Variants in VPS37A observed in about 807,000 individuals in gnomAD.
The protein encoded by VPS37A is vacuolar protein sorting-associated protein 37A.
VPS37A carries 30 observed loss-of-function variants against 49.8 expected under a neutral mutation model. That is an observed-to-expected ratio of 0.60 (90% CI 0.45 to 0.82). The LOEUF (loss-of-function observed/expected upper bound fraction) is 0.82, where lower values mean the gene tolerates loss of function less well. Among genes scored for constraint, VPS37A ranks in the 40% least tolerant of loss-of-function variants. The probability of loss-of-function intolerance (pLI) is 0.00; values close to 1 mark genes in which losing one functional copy is unlikely to be tolerated. For synonymous variants in VPS37A, 195 were observed against 160.6 expected, an observed-to-expected ratio of 1.21 and a Z score of -1.62; for missense variants, 593 against 464.4, an observed-to-expected ratio of 1.28 and a Z score of -2.55.
intron 2 of VPS37A, among the ~76,000 whole-genome samples, chr8:17,266,662 C>T (rs368876860): frequency 6.6e-6 from 1 of 152,202 alleles, no homozygotes; most frequent in Non-Finnish European, 1.5e-5. Context: ...TTCACCTTCA[C>T]GTTCTCCTTG....
At chr8:17,250,371 C>A (rs1811860043) in intron 1 of VPS37A, among the ~76,000 whole-genome samples, 2 of 151,930 alleles carry the variant, frequency 1.3e-5, no homozygotes, top group South Asian at 4.1e-4. Context: ...TTTGTGCGAA[C>A]AGACAGATTG....
At chr8:17,320,119 AAATT>A in the VPS37A span, among the ~76,000 whole-genome samples, 1 of 151,916 alleles carries the variant, frequency 6.6e-6, no homozygotes, top group Non-Finnish European at 1.5e-5. Flanking sequence ...TACATTATGA[AAATT>A]AATAATATAA....
At chr8:17,299,825 T>G (rs1455722615), downstream of VPS37A, 7 of 1,605,996 alleles carry the variant, frequency 4.4e-6, no homozygotes, top group Non-Finnish European at 5.1e-6. Context: ...GAAGTGTTGC[T>G]TATGTGTCCT....
downstream of VPS37A, chr8:17,304,416 G>A (rs2150467999): frequency 3.1e-6 from 5 of 1,614,028 alleles, no homozygotes; most frequent in Non-Finnish European, 4.2e-6. Context: ...GGGAGATGAA[G>A]GGTTCCCTGA....
chr8:17,280,754 G>A (rs1227138729), intron 9 of VPS37A, among the ~76,000 whole-genome samples: 3 of 151,786 alleles, frequency 2.0e-5, no homozygotes, highest in African/African-American at 4.8e-5. Context: ...AAAAACTTTC[G>A]ACTCACTTGT....
At chr8:17,320,668 C>T in the VPS37A span, among the ~76,000 whole-genome samples, 6 of 152,198 alleles carry the variant, frequency 3.9e-5, no homozygotes, top group Non-Finnish European at 7.3e-5. Context: ...GTGCCAGCCC[C>T]GAGTTAAAAC....
rs979932605 is a variant in VPS37A at position 17,250,333 on chromosome 8, T to C, written c.125+2964T>C. On this transcript the variant is annotated intron_variant, in intron 1 of 11. Transcript: ENST00000324849. The stretch of plus-strand genomic sequence containing the variant: ...CAATATGTTGCCTGATTACCTAAAT[T>C]AGTGGTACGACTTACACTTAAAAGA... 4.6e-5 allele frequency among the ~76,000 whole-genome samples: 7 copies of C among 152,318 alleles called. No homozygotes were observed. The South Asian group carries it at 6.2e-4, about 14-fold the overall frequency.
the VPS37A span, among the ~76,000 whole-genome samples, chr8:17,328,313 T>G: frequency 6.6e-6 from 1 of 152,126 alleles, no homozygotes; most frequent in Admixed American, 6.6e-5. Flanking sequence ...TCTTCACCAC[T>G]TCCTCCCCAA....
At chr8:17,259,524 C>G (rs1812784679) in intron 1 of VPS37A, among the ~76,000 whole-genome samples, 1 of 152,056 alleles carries the variant, frequency 6.6e-6, no homozygotes, top group Non-Finnish European at 1.5e-5. Context: ...GTTCCATGTG[C>G]TGATGAAAAG....
intron 1 of VPS37A, 145 bp from the exon 2 acceptor site, chr8:17,265,761 TC>T: frequency 6.5e-7 from 1 of 1,534,170 alleles, no homozygotes; most frequent in East Asian, 2.5e-5. Context: ...TCATTTTCCT[TC>T]CCCTCAAGAT....
the VPS37A span, among the ~76,000 whole-genome samples, chr8:17,329,224 G>C: frequency 1.3e-5 from 2 of 152,176 alleles, no homozygotes; most frequent in East Asian, 3.9e-4. Context: ...AGGAGGAAAA[G>C]CCTTAGAAGG....
intron 1 of VPS37A, among the ~76,000 whole-genome samples, chr8:17,261,432 G>C (rs1377875366): frequency 6.6e-6 from 1 of 152,074 alleles, no homozygotes; most frequent in Non-Finnish European, 1.5e-5. Flanking sequence ...TTCTTGTTCA[G>C]AGAGCTTACA....
chr8:17,284,020 G>C (rs1815351537), intron 9 of VPS37A, among the ~76,000 whole-genome samples: 1 of 152,042 alleles, frequency 6.6e-6, no homozygotes, highest in South Asian at 2.1e-4. Flanking sequence ...ACAGTTTTCT[G>C]TTTATCAGTC....
chr8:17,288,666 T>G (rs1815851037), intron 11 of VPS37A, among the ~76,000 whole-genome samples: 1 of 152,220 alleles, frequency 6.6e-6, no homozygotes, highest in African/African-American at 2.4e-5. Flanking sequence ...TTGTGAATAG[T>G]GCTGCAATAA....
intron 1 of VPS37A, among the ~76,000 whole-genome samples, chr8:17,262,902 A>G (rs922110958): frequency 6.6e-6 from 1 of 152,006 alleles, no homozygotes; most frequent in Non-Finnish European, 1.5e-5. Context: ...CTCTACTAAA[A>G]ATACAAAAAT....
intron 1 of VPS37A, among the ~76,000 whole-genome samples, chr8:17,252,463 C>T (rs1188493842): frequency 6.6e-6 from 1 of 152,206 alleles, no homozygotes; most frequent in Non-Finnish European, 1.5e-5. Flanking sequence ...CAGGCATGAG[C>T]TGCCACACCC....
At position 17,280,247 on chromosome 8, in the gene VPS37A, C is replaced by A. The variant is rs1432535251; in HGVS notation, c.850C>A (p.Leu284Ile). 6 of 1,612,556 alleles carry A rather than the reference C, an allele frequency of 3.7e-6. No homozygotes were observed. The highest frequency in any genetic ancestry group is 2.2e-5 in the South Asian group (2 of 90,740). The change falls in exon 8 of 12, where the codon CTC becomes ATC. Residue 284 changes from leucine to isoleucine, a missense_variant. By Grantham distance (5) the Leu-to-Ile change is conservative (BLOSUM62 2). Transcript: ENST00000324849. The stretch of plus-strand genomic sequence containing the variant: ...AGAGATTTATCTTACAGGAAAAAAT[C>A]TCCTTTTGGAGCCCAGCTTGGAAGC... ...KSIEELARKN[L>I]LLEPSLEAKR...
intron 6 of VPS37A, among the ~76,000 whole-genome samples, chr8:17,277,842 C>G: frequency 6.7e-6 from 1 of 150,056 alleles, no homozygotes; most frequent in Admixed American, 6.7e-5. Context: ...AACCATTTCT[C>G]CCCAACTTTT....
intron 6 of VPS37A, among the ~76,000 whole-genome samples, chr8:17,277,881 C>CACAA (rs1302531135): frequency 6.6e-6 from 1 of 151,418 alleles, no homozygotes; most frequent in Non-Finnish European, 1.5e-5. Context: ...CACACACACA[C>CACAA]ACACACACAC....
Sources: gnomAD v4.1 joint callset for allele counts (sites outside exome capture counted in the v4.1 genomes callset) on GRCh38, gnomAD v4.1.1 for gene constraint, MANE v1.5 for transcripts, NCBI Gene and HGNC (gene_info 2026-07-23, HGNC 2026-07-21) for gene names.